Variants in KIF16B observed in about 807,000 individuals in gnomAD.
KIF16B encodes kinesin-like protein KIF16B.
A neutral mutation model predicts 156.3 loss-of-function variants in KIF16B; 98 were observed. The observed-to-expected ratio is 0.63, with a 90% CI of 0.53 to 0.74. KIF16B has a LOEUF of 0.74. Ranked by LOEUF, KIF16B falls within the 30% of genes least tolerant of loss-of-function variation. The pLI, the probability that KIF16B is intolerant of heterozygous loss-of-function variation, is 0.00. For synonymous variants in KIF16B, 564 were observed against 583.7 expected, an observed-to-expected ratio of 0.97 and a Z score of 0.49; for missense variants, 1,421 against 1,606.5, an observed-to-expected ratio of 0.88 and a Z score of 1.97.
intron 12 of KIF16B, among the ~76,000 whole-genome samples, chr20:16,435,238 G>C (rs2066612586): frequency 6.6e-6 from 1 of 152,140 alleles, no homozygotes; most frequent in African/African-American, 2.4e-5. Context: ...TGAGAACGTT[G>C]CTTCTTGCCT....
intron 15 of KIF16B, among the ~76,000 whole-genome samples, chr20:16,417,491 A>C (rs2066119990): frequency 2.0e-5 from 3 of 152,322 alleles, no homozygotes; most frequent in African/African-American, 7.2e-5. Flanking sequence ...AACAAGACCC[A>C]GGATCTCATA....
intron 25 of KIF16B, among the ~76,000 whole-genome samples, chr20:16,312,084 C>T (rs1601546086): frequency 1.3e-5 from 2 of 152,300 alleles, no homozygotes; most frequent in Middle Eastern, 3.4e-3. Flanking sequence ...ATCCTGCTTC[C>T]TAACCCTTAG....
At chr20:16,277,075 T>C (rs1004253654) in intron 25 of KIF16B, among the ~76,000 whole-genome samples, 6 of 152,186 alleles carry the variant, frequency 3.9e-5, no homozygotes, top group African/African-American at 1.4e-4. Flanking sequence ...GCACCAGAGA[T>C]TCGAATTGCC....
At position 16,379,766 on chromosome 20, in the gene KIF16B, G is replaced by C; in HGVS notation, c.2236C>G (p.Leu746Val). Residue 746 changes from leucine to valine, a missense_variant, in exon 19 of 26, where the codon CTG becomes GTG. Leu to Val is a conservative substitution (Grantham distance 32). Transcript: ENST00000354981. ...EKDEQYAKLE[L>V]EKKRLEEQEK... The stretch of plus-strand genomic sequence containing the variant: ...TGCTCCTCTAGTCTCTTTTTTTCCA[G>C]TTCAAGCTTGGCATACTGTTCATCT... 6.2e-7 allele frequency: 1 copy of C among 1,614,086 alleles called. No homozygotes were observed. The highest frequency in any genetic ancestry group is 1.7e-5 in the Admixed American group (1 of 60,016).
In KIF16B at chr20:16,494,272, A is replaced by T; in HGVS notation, c.1302+19T>A. 1.3e-6 allele frequency: 2 copies of T among 1,516,722 alleles called. No individual in the cohort carries two copies. Among genetic ancestry groups the T allele is most frequent in the Admixed American group, 1.8e-5 (1 of 54,920 alleles). 94.0% of individuals were successfully genotyped at this position (1,516,722 alleles called of 1,614,324 possible). A position where few individuals can be genotyped will look rare whatever the true frequency, so the allele number is the denominator to read the frequency against. On this transcript the variant is annotated intron_variant, in intron 12 of 25. Coordinates refer to ENST00000354981, the MANE Select transcript of KIF16B (RefSeq NM_024704.5). ...TTAATCCACCATAGTAAGACTAAAC[A>T]CATTTTTCTAGTCCTTACTTTCAAA...
chr20:16,355,120 C>T (rs748116625), intron 23 of KIF16B, among the ~76,000 whole-genome samples: 5 of 151,858 alleles, frequency 3.3e-5, no homozygotes, highest in Non-Finnish European at 4.4e-5. Flanking sequence ...ACATCATTTC[C>T]TCAGGAAGGT....
At chr20:16,557,124 CATTAATACTATATAT>C (rs1404135385) in intron 1 of KIF16B, among the ~76,000 whole-genome samples, 11 of 147,050 alleles carry the variant, frequency 7.5e-5, no homozygotes, top group Non-Finnish European at 1.3e-4. Context: ...TAATATTAAT[CATTAATACTATATAT>C]ATTAATACTA....
intron 25 of KIF16B, among the ~76,000 whole-genome samples, chr20:16,300,323 T>C (rs998272285): frequency 6.6e-6 from 1 of 152,096 alleles, no homozygotes; most frequent in African/African-American, 2.4e-5. Flanking sequence ...AAAATATAAA[T>C]TATCATATGC....
chr20:16,481,755 C>CA (rs2146843122), intron 12 of KIF16B, among the ~76,000 whole-genome samples: 1 of 152,278 alleles, frequency 6.6e-6, no homozygotes, highest in Non-Finnish European at 1.5e-5. Context: ...TATTTGGAAC[C>CA]AACTCCTCTC....
chr20:16,483,320 T>C (rs569328095), intron 12 of KIF16B, among the ~76,000 whole-genome samples: 1 of 152,272 alleles, frequency 6.6e-6, no homozygotes, highest in Non-Finnish European at 1.5e-5. Context: ...ATAATCCAGT[T>C]TGGAATTGGG....
chr20:16,512,390 C>T (rs1489192929), intron 5 of KIF16B, among the ~76,000 whole-genome samples: 2 of 152,152 alleles, frequency 1.3e-5, no homozygotes, highest in African/African-American at 4.8e-5. Flanking sequence ...AAGAGACTGG[C>T]TCCCCTCACA....
At chr20:16,366,867 C>T (rs546963127) in intron 22 of KIF16B, 1 of 1,156,740 alleles carries the variant, frequency 8.6e-7, no homozygotes, top group East Asian at 4.7e-5. Context: ...CTTTAATCAC[C>T]TCACAAATAA....
chr20:16,484,419 C>T (rs546745744), intron 12 of KIF16B, among the ~76,000 whole-genome samples: 1 of 152,284 alleles, frequency 6.6e-6, no homozygotes, highest in African/African-American at 2.4e-5. Context: ...GAACAATGAA[C>T]TTTCTTTATT....
intron 24 of KIF16B, among the ~76,000 whole-genome samples, chr20:16,318,332 G>A (rs538298496): frequency 5.9e-5 from 9 of 152,146 alleles, no homozygotes; most frequent in Non-Finnish European, 1.2e-4. Flanking sequence ...AAATAGTCAC[G>A]TAGGAACCAT....
chr20:16,320,205 C>T (rs758953504), intron 24 of KIF16B, among the ~76,000 whole-genome samples: 85 of 152,148 alleles, frequency 5.6e-4, no homozygotes, highest in Admixed American at 1.4e-3. Flanking sequence ...TCGACATCAA[C>T]CAATAAACCT....
chr20:16,503,025 G>T (rs1180257166), intron 10 of KIF16B, among the ~76,000 whole-genome samples: 2 of 152,176 alleles, frequency 1.3e-5, no homozygotes, highest in Admixed American at 6.5e-5. Flanking sequence ...GACCAGACTG[G>T]TCACGTCGTG....
intron 12 of KIF16B, among the ~76,000 whole-genome samples, chr20:16,460,382 A>T (rs1225876517): frequency 1.3e-5 from 2 of 152,126 alleles, no homozygotes; most frequent in East Asian, 3.9e-4. Flanking sequence ...GGAGTTTGAG[A>T]TCAGTCTGGT....
chr20:16,389,122 A>C (rs1012789840), intron 17 of KIF16B, among the ~76,000 whole-genome samples: 1 of 152,154 alleles, frequency 6.6e-6, no homozygotes, highest in African/African-American at 2.4e-5. Context: ...ACATGATCAG[A>C]CAAGGAAAAA....
intron 15 of KIF16B, among the ~76,000 whole-genome samples, chr20:16,414,043 A>G (rs968103423): frequency 6.6e-6 from 1 of 152,110 alleles, no homozygotes; most frequent in Non-Finnish European, 1.5e-5. Flanking sequence ...AGGGAAACTG[A>G]TAAGAAAACA....
Sources: allele counts gnomAD v4.1 joint callset (sites outside exome capture counted in the v4.1 genomes callset), GRCh38; gene constraint gnomAD v4.1.1; transcripts MANE v1.5; gene names NCBI Gene and HGNC (gene_info 2026-07-23, HGNC 2026-07-21).